The following TTBK2 variants were observed in gnomAD, a reference collection of about 807,000 sequenced individuals.
TTBK2 encodes tau tubulin kinase 2, also known as tau-tubulin kinase 2.
TTBK2 carries 28 observed loss-of-function variants against 110.8 expected under a neutral mutation model. The observed-to-expected ratio is 0.25, with a 90% CI of 0.19 to 0.35. TTBK2 has a LOEUF of 0.35. Among genes scored for constraint, TTBK2 ranks in the 10% least tolerant of loss-of-function variants. The probability of loss-of-function intolerance (pLI) is 1.00; values close to 1 mark genes in which losing one functional copy is unlikely to be tolerated. For missense variants in TTBK2, 1,369 were observed against 1,500.3 expected (o/e 0.91, Z 1.45); for synonymous variants, 532 against 527.3 (o/e 1.01, Z -0.12).
intron 5 of TTBK2, among the ~76,000 whole-genome samples, chr15:42,829,061 A>C (rs1176278120): frequency 6.6e-6 from 1 of 152,182 alleles, no homozygotes; most frequent in Non-Finnish European, 1.5e-5. Flanking sequence ...AAATAGACTG[A>C]CTCTACTACG....
intron 1 of TTBK2, among the ~76,000 whole-genome samples, chr15:42,898,486 G>T (rs1366277699): frequency 6.6e-6 from 1 of 151,816 alleles, no homozygotes; most frequent in African/African-American, 2.4e-5. Flanking sequence ...ACTCCAGCCT[G>T]GGCGGCAGAG....
At chr15:42,783,247 CA>C (rs1890253021) in intron 11 of TTBK2, among the ~76,000 whole-genome samples, 171 bp downstream of exon 11, 1 of 152,090 alleles carries the variant, frequency 6.6e-6, no homozygotes, top group Non-Finnish European at 1.5e-5. Context: ...GGTGTCCTTA[CA>C]AAAGAGGCCC....
intron 1 of TTBK2, among the ~76,000 whole-genome samples, chr15:42,883,201 G>A (rs767706836): frequency 4.6e-5 from 7 of 151,898 alleles, no homozygotes; most frequent in Non-Finnish European, 1.0e-4. Flanking sequence ...GACCAACATG[G>A]AGAAACCCCG....
intron 9 of TTBK2, chr15:42,802,169 G>A: frequency 7.4e-7 from 1 of 1,358,126 alleles, no homozygotes; most frequent in Non-Finnish European, 1.0e-6. Context: ...TGGATGTTGG[G>A]GTCCACCTCC....
intron 14 of TTBK2, among the ~76,000 whole-genome samples, chr15:42,748,777 C>T (rs1359332349): frequency 2.0e-5 from 3 of 152,158 alleles, no homozygotes; most frequent in African/African-American, 7.2e-5. Context: ...AAAATATAAA[C>T]ATTCTGTGGT....
chr15:42,845,879 T>C (rs1041980593), intron 3 of TTBK2, among the ~76,000 whole-genome samples: 1 of 152,136 alleles, frequency 6.6e-6, no homozygotes, highest in Non-Finnish European at 1.5e-5. Flanking sequence ...GAAACCTGTA[T>C]GGCATGTTAC....
intron 2 of TTBK2, among the ~76,000 whole-genome samples, chr15:42,875,560 C>T (rs1894785356): frequency 6.6e-6 from 1 of 151,948 alleles, no homozygotes; most frequent in Non-Finnish European, 1.5e-5. Context: ...TGCCCTTAAC[C>T]AGCCTGGGAG....
intron 7 of TTBK2, among the ~76,000 whole-genome samples, chr15:42,816,069 T>TA (rs1233455781): frequency 1.1e-5 from 1 of 89,972 alleles, no homozygotes; most frequent in Non-Finnish European, 1.9e-5. Context: ...TATATATATA[T>TA]AAAAATAAAT....
At chr15:42,791,044 T>C (rs767119148) in intron 10 of TTBK2, among the ~76,000 whole-genome samples, 14 of 152,066 alleles carry the variant, frequency 9.2e-5, no homozygotes, top group Non-Finnish European at 1.2e-4. Context: ...CCACCATGCC[T>C]GGCTAATTTT....
chr15:42,777,355 G>T, intron 11 of TTBK2, 113 bp from the exon 12 acceptor site: 1 of 1,149,792 alleles, frequency 8.7e-7, no homozygotes, highest in Non-Finnish European at 1.2e-6. Context: ...GTTTTCAGAT[G>T]ATTAGGATAT....
At chr15:42,845,997 T>G (rs1450506868) in intron 3 of TTBK2, among the ~76,000 whole-genome samples, 1 of 152,158 alleles carries the variant, frequency 6.6e-6, no homozygotes, top group Non-Finnish European at 1.5e-5. Context: ...AGGACCACCG[T>G]CTGTCACTGA....
At chr15:42,821,044 G>GA (rs893185175) in intron 6 of TTBK2, among the ~76,000 whole-genome samples, 17 of 121,136 alleles carry the variant, frequency 1.4e-4, no homozygotes, top group African/African-American at 2.1e-4. Context: ...TTGTCTAAAA[G>GA]AAAAAAAAAA....
chr15:42,882,724 C>A (rs1446753118), intron 1 of TTBK2, among the ~76,000 whole-genome samples: 1 of 151,990 alleles, frequency 6.6e-6, no homozygotes, highest in African/African-American at 2.4e-5. Flanking sequence ...TAAAGGCCAG[C>A]AAGAAATAGA....
At chr15:42,783,356 T>C in intron 11 of TTBK2, 63 bp downstream of exon 11, 2 of 1,544,000 alleles carry the variant, frequency 1.3e-6, no homozygotes, top group Non-Finnish European at 1.8e-6. Context: ...GCCTTCCTTC[T>C]TGGACTTCCC....
intron 1 of TTBK2, among the ~76,000 whole-genome samples, chr15:42,891,811 A>C (rs1051044792): frequency 2.0e-5 from 3 of 152,216 alleles, no homozygotes; most frequent in Non-Finnish European, 4.4e-5. Context: ...ACTTATACTC[A>C]ACCAGGGAAA....
intron 3 of TTBK2, among the ~76,000 whole-genome samples, chr15:42,845,852 C>T (rs1467261778): frequency 6.6e-6 from 1 of 152,010 alleles, no homozygotes; most frequent in African/African-American, 2.4e-5. Flanking sequence ...ATGGTACAGC[C>T]TATTGCTCCT....
At position 42,831,016 on chromosome 15, in the gene TTBK2, G is replaced by GTA. The variant is rs1026091561; in HGVS notation, c.292-940_292-939dup. On this transcript the variant is annotated intron_variant, in intron 4 of 14. Coordinates refer to ENST00000267890, the MANE Select transcript of TTBK2 (RefSeq NM_173500.4). ...CGAGACTCCATCTCAAAAAAAAAAT[G>GTA]TATATATGTGTGTGTGTGTGTGTGT... is the stretch of plus-strand genomic sequence containing the variant. Among the ~76,000 whole-genome samples the GTA allele has an allele frequency of 1.2e-3, 149 of 127,568 alleles. 1 individual carries two copies. Among genetic ancestry groups the GTA allele is most frequent in the African/African-American group, 6.0e-3 (137 of 22,990 alleles). The allele number at this position is 127,568 out of a possible 152,430, so 83.7% of individuals were successfully genotyped here. A position where few individuals can be genotyped will look rare whatever the true frequency, so the allele number is the denominator to read the frequency against.
chr15:42,770,013 A>C (rs556658103), intron 13 of TTBK2, among the ~76,000 whole-genome samples: 22 of 151,802 alleles, frequency 1.4e-4, no homozygotes, highest in Non-Finnish European at 2.8e-4. Flanking sequence ...CAGAAAACCA[A>C]ACACCACATG....
At chr15:42,857,186 T>C (rs891063567) in intron 3 of TTBK2, among the ~76,000 whole-genome samples, 3 of 152,184 alleles carry the variant, frequency 2.0e-5, no homozygotes, top group African/African-American at 7.2e-5. Context: ...TTGTACTTTC[T>C]ACTCAATTTT....
Sources: allele counts gnomAD v4.1 joint callset (sites outside exome capture counted in the v4.1 genomes callset), GRCh38; gene constraint gnomAD v4.1.1; transcripts MANE v1.5; gene names NCBI Gene and HGNC (gene_info 2026-07-23, HGNC 2026-07-21).